ZNF638: variants seen among roughly 807,000 people sequenced by gnomAD.
ZNF638 encodes CTCL tumor antigen se33-1.
Under a neutral mutation model 195.6 loss-of-function variants are expected in ZNF638, and 46 were observed. The ratio of observed to expected loss-of-function variants is 0.24; its 90% CI spans 0.19 to 0.30. The LOEUF (loss-of-function observed/expected upper bound fraction) is 0.30. Among genes scored for constraint, ZNF638 ranks in the 10% least tolerant of loss-of-function variants. ZNF638 has a pLI of 1.00. For synonymous variants in ZNF638, 845 were observed against 772.0 expected, an observed-to-expected ratio of 1.09 and a Z score of -1.57; for missense variants, 2,440 against 2,325.3, an observed-to-expected ratio of 1.05 and a Z score of -1.01.
intron 23 of ZNF638, among the ~76,000 whole-genome samples, chr2:71,425,725 A>G (rs2152605015): frequency 6.6e-6 from 1 of 152,174 alleles, no homozygotes; most frequent in Admixed American, 6.5e-5. Context: ...GCTGGAGTGC[A>G]ATGGCGTGAT....
chr2:71,423,359 C>G lies in ZNF638; in HGVS notation c.3845C>G (p.Thr1282Arg). 2 of 1,613,478 alleles carry G rather than the reference C, an allele frequency of 1.2e-6. No homozygotes were observed. Among genetic ancestry groups the G allele is most frequent in the Non-Finnish European group, 1.7e-6 (2 of 1,179,960 alleles). ...ATATTGCCATCAACTTGTATTGTGA[C>G]GTTAGTACCAGGAATTCCCACTGGG... ...SEILPSTCIV[T>R]LVPGIPTGDE... Residue 1282 changes from threonine to arginine, a missense_variant, in exon 22 of 28, where the codon ACG becomes AGG. Thr to Arg is a moderately conservative substitution (Grantham distance 71). Transcript: ENST00000264447.
intron 19 of ZNF638, chr2:71,407,549 C>T (rs962054280): frequency 1.3e-5 from 2 of 151,926 alleles, no homozygotes; most frequent in African/African-American, 2.4e-5. Context: ...CAAATTTTAC[C>T]GTTTGTAAGA....
At chr2:71,395,239 A>G in intron 10 of ZNF638, 2 of 717,336 alleles carry the variant, frequency 2.8e-6, no homozygotes, top group Non-Finnish European at 5.2e-6. Context: ...GTTATTTACT[A>G]ATTCTAGGAT....
chr2:71,343,863 G>A (rs1249755546), intron 1 of ZNF638, among the ~76,000 whole-genome samples: 1 of 47,252 alleles, frequency 2.1e-5, no homozygotes, highest in Non-Finnish European at 7.9e-5. Flanking sequence ...AGGCGCGGTG[G>A]CTCATGCCTG....
In ZNF638 at chr2:71,400,123, A is replaced by G. The variant is rs756179367; in HGVS notation, c.2599A>G (p.Ile867Val). 13 of 1,606,312 alleles carry G rather than the reference A, an allele frequency of 8.1e-6. No individual in the cohort carries two copies. The highest frequency in any genetic ancestry group is 2.7e-5 in the African/African-American group (2 of 74,638). ...KPVTIPENSE[I>V]KTSIEVKATE... ...ACTATTTCATGCAGAAAACTCTGAAATAAAGACCAGTATTGAAGTCAAAGC... is the reference window on the plus strand; with the variant it reads ...ACTATTTCATGCAGAAAACTCTGAAGTAAAGACCAGTATTGAAGTCAAAGC... Residue 867 changes from isoleucine (I) to valine (V), a missense_variant, in exon 14 of 28, where the codon ATA becomes GTA. Physicochemically the swap from Ile to Val is conservative, Grantham distance 29. Coordinates refer to ENST00000264447, the MANE Select transcript of ZNF638 (RefSeq NM_014497.5).
intron 1 of ZNF638, chr2:71,334,733 C>G (rs562322279): frequency 1.3e-4 from 20 of 152,196 alleles, no homozygotes; most frequent in African/African-American, 4.3e-4. Flanking sequence ...TCCTGGCTAA[C>G]ACGGTGAATC....
intron 23 of ZNF638, among the ~76,000 whole-genome samples, chr2:71,425,270 C>A (rs1402288135): frequency 6.6e-6 from 1 of 151,826 alleles, no homozygotes; most frequent in Non-Finnish European, 1.5e-5. Flanking sequence ...TAGATTTGGG[C>A]CTATGTTGTT....
At chr2:71,376,268 CAAG>C (rs1364354363) in intron 8 of ZNF638, 2 of 152,314 alleles carry the variant, frequency 1.3e-5, no homozygotes, top group East Asian at 3.9e-4. Context: ...GATGCTGGAA[CAAG>C]AAGGCTAACT....
intron 10 of ZNF638, among the ~76,000 whole-genome samples, chr2:71,383,560 G>GTTTTTTTTTTTTT (rs57987492): frequency 7.4e-5 from 9 of 122,118 alleles, no homozygotes; most frequent in African/African-American, 1.6e-4. Flanking sequence ...TTCCTGGGTG[G>GTTTTTTTTTTTTT]TTTTTTTTTT....
intron 10 of ZNF638, among the ~76,000 whole-genome samples, chr2:71,390,764 G>C (rs191734105): frequency 6.6e-6 from 1 of 152,242 alleles, no homozygotes; most frequent in Admixed American, 6.5e-5. Context: ...AAACTGGTCA[G>C]AAACTTGGCC....
intron 22 of ZNF638, 89 bp from the exon 23 acceptor site, chr2:71,424,561 G>GTTTTTTTTTTT: frequency 2.9e-6 from 3 of 1,021,882 alleles, no homozygotes; most frequent in Non-Finnish European, 4.4e-6. Flanking sequence ...AATGTTTACT[G>GTTTTTTTTTTT]TTTTTTTTTG....
intron 23 of ZNF638, among the ~76,000 whole-genome samples, 171 bp from the exon 24 acceptor site, chr2:71,426,289 A>T (rs1257505221): frequency 6.6e-6 from 1 of 152,212 alleles, no homozygotes; most frequent in Non-Finnish European, 1.5e-5. Context: ...AATTATAGCT[A>T]AGTCATTTGT....
chr2:71,406,188 C>G lies in ZNF638; in HGVS notation c.3061C>G (p.Leu1021Val), dbSNP rs774082161. 1 of 1,613,514 alleles carries G rather than the reference C, an allele frequency of 6.2e-7. No individual in the cohort carries two copies. Among genetic ancestry groups the G allele is most frequent in the African/African-American group, 1.3e-5 (1 of 74,900 alleles). ...VHLDNLPEDG[L>V]QCVLCVGLQF... ...TCTTGATAATTTACCGGAAGATGGA[C>G]TTCAGTGTGTACTTTGTGTTGGACT... Residue 1021 changes from leucine (L) to valine (V), a missense_variant, in exon 19 of 28, where the codon CTT becomes GTT. This residue lies in a region of ZNF638 where 1,883 missense variants were observed against 1,739.1 expected (regional missense o/e 1.08). Coordinates refer to ENST00000264447, the MANE Select transcript of ZNF638 (RefSeq NM_014497.5).
rs538304009 is a variant in ZNF638, at chr2:71,424,154, C to T, written c.4524+116C>T. The stretch of plus-strand genomic sequence containing the variant: ...ATACTTTCATCTCCTCACTCTACCC[C>T]GGAAGCTCCCATTTCCTTTTCTTAA... On this transcript the variant is annotated intron_variant, in intron 22 of 27. Transcript: ENST00000264447. 952 of 1,351,656 alleles carry T rather than the reference C, an allele frequency of 7.0e-4. 6 individuals are homozygous for T. In the South Asian group the frequency reaches 8.1e-3, roughly 12 times the overall value. The allele number at this position is 1,351,656 out of a possible 1,614,324, so 83.7% of individuals were successfully genotyped here.
At chr2:71,338,163 A>G (rs1198792907) in intron 1 of ZNF638, among the ~76,000 whole-genome samples, 1 of 152,142 alleles carries the variant, frequency 6.6e-6, no homozygotes, top group Non-Finnish European at 1.5e-5. Context: ...ATCTCTGGAG[A>G]GACGTTTTAA....
At chr2:71,405,051 C>T (rs6710633) in intron 17 of ZNF638, among the ~76,000 whole-genome samples, 14,579 of 151,874 alleles carry the variant, frequency 0.096, 1,385 homozygotes, top group East Asian at 0.55. Flanking sequence ...GTAGTATCAA[C>T]AAGAAAAAAA....
chr2:71,352,165 T>C lies in ZNF638; in HGVS notation c.1317+1894T>C, dbSNP rs78621726. On this transcript the variant is annotated intron_variant, in intron 2 of 27. Transcript: ENST00000264447. ...TGAAGATGGGTCTTGAATTGAGGCT[T>C]TAGATATGCCTGTATAAAGAGGAGG... is the stretch of plus-strand genomic sequence containing the variant. Among the ~76,000 whole-genome samples, 1,491 of 151,936 alleles carry C rather than the reference T, an allele frequency of 9.8e-3. 44 individuals carry two copies. In the East Asian group the frequency reaches 0.11, roughly 11 times the overall value.
chr2:71,398,561 A>G (rs868393881), intron 11 of ZNF638, 140 bp from the exon 12 acceptor site: 10 of 705,706 alleles, frequency 1.4e-5, no homozygotes, highest in East Asian at 2.6e-5. Context: ...AAAATGGCCT[A>G]TGTCCCCAAA....
At chr2:71,357,434 C>T (rs1445549133) in intron 3 of ZNF638, among the ~76,000 whole-genome samples, 1 of 152,126 alleles carries the variant, frequency 6.6e-6, no homozygotes, top group Non-Finnish European at 1.5e-5. Flanking sequence ...ATTAGATACG[C>T]CTTACTGCCA....
Sources: gnomAD v4.1 joint callset for allele counts (sites outside exome capture counted in the v4.1 genomes callset) on GRCh38, gnomAD v4.1.1 for gene constraint, gnomAD v4.1.1 regional missense constraint, MANE v1.5 for transcripts, NCBI Gene and HGNC (gene_info 2026-07-23, HGNC 2026-07-21) for gene names.